Variants in CNR2 observed in about 807,000 individuals in gnomAD.
CNR2 encodes cannabinoid receptor 2.
For synonymous variants in CNR2, 172 were observed against 182.2 expected (o/e 0.94, Z 0.45); for missense variants, 379 against 439.9 (o/e 0.86, Z 1.24).
At chr1:23,896,616 T>G (rs1640289664) in intron 1 of CNR2, among the ~76,000 whole-genome samples, 1 of 151,482 alleles carries the variant, frequency 6.6e-6, no homozygotes, top group Non-Finnish European at 1.5e-5. Context: ...GTAGGAGGAG[T>G]GTCAAAGAGG....
At chr1:23,880,887 A>G (rs1199547561) in intron 1 of CNR2, among the ~76,000 whole-genome samples, 1 of 149,374 alleles carries the variant, frequency 6.7e-6, no homozygotes, top group East Asian at 1.9e-4. Flanking sequence ...AAATTAACAT[A>G]TTACATATAA....
intron 1 of CNR2, among the ~76,000 whole-genome samples, chr1:23,888,378 A>G (rs2501388): frequency 0.85 from 128,669 of 152,056 alleles, 54,540 homozygotes; most frequent in Admixed American, 0.86. Context: ...AACAATACCT[A>G]TGCCATTCTC....
At chr1:23,878,116 A>G (rs1027448470) in intron 1 of CNR2, among the ~76,000 whole-genome samples, 2 of 152,298 alleles carry the variant, frequency 1.3e-5, no homozygotes, top group East Asian at 1.9e-4. Context: ...ATAAACAGAG[A>G]AAACTGGTGG....
At chr1:23,908,105 T>G (rs1165963115) in intron 1 of CNR2, among the ~76,000 whole-genome samples, 2 of 144,898 alleles carry the variant, frequency 1.4e-5, no homozygotes, top group African/African-American at 5.1e-5. Context: ...CTCAGCCTCC[T>G]GAGTAGCTGG....
chr1:23,885,443 T>C (rs1640070184), intron 1 of CNR2, among the ~76,000 whole-genome samples: 1 of 152,118 alleles, frequency 6.6e-6, no homozygotes, highest in East Asian at 1.9e-4. Flanking sequence ...TCATTTCTCA[T>C]CTGTAAAATG....
intron 1 of CNR2, among the ~76,000 whole-genome samples, chr1:23,910,654 CAAAAAA>C (rs34083515): frequency 4.3e-4 from 14 of 32,194 alleles, no homozygotes; most frequent in African/African-American, 5.1e-4. Context: ...AACGCTGTCT[CAAAAAA>C]AAAAAAAAAA....
chr1:23,907,951 G>A (rs1001224420), intron 1 of CNR2: 4 of 146,156 alleles, frequency 2.7e-5, no homozygotes, highest in African/African-American at 7.6e-5. Context: ...TGAGTCATGA[G>A]CTAGTTTGTT....
intron 1 of CNR2, among the ~76,000 whole-genome samples, chr1:23,911,352 T>C (rs1039546623): frequency 6.6e-6 from 1 of 152,012 alleles, no homozygotes; most frequent in African/African-American, 2.4e-5. Context: ...TTTCAGGTCT[T>C]ACAAAGAATC....
chr1:23,877,639 C>G lies in CNR2; in HGVS notation c.-45-1977G>C, dbSNP rs527810819. Among the ~76,000 whole-genome samples, 128 of 150,162 alleles carry G rather than the reference C, an allele frequency of 8.5e-4. No homozygotes were observed. In the Middle Eastern group the frequency reaches 0.017, roughly 20 times the overall value. ...CCTGGGCAACAGAGCAAGACTCCATCTCAAAAAAAATAAAAAGAAAAAAAA... is the reference window on the plus strand; with the variant it reads ...CCTGGGCAACAGAGCAAGACTCCATGTCAAAAAAAATAAAAAGAAAAAAAA... On this transcript the variant is annotated intron_variant, in intron 1 of 1. Coordinates refer to ENST00000374472, the MANE Select transcript of CNR2 (RefSeq NM_001841.3).
At chr1:23,882,222 C>T (rs1640000817) in intron 1 of CNR2, among the ~76,000 whole-genome samples, 1 of 152,016 alleles carries the variant, frequency 6.6e-6, no homozygotes, top group South Asian at 2.1e-4. Context: ...CGTGCCTGGC[C>T]TCAGGTATGG....
intron 1 of CNR2, among the ~76,000 whole-genome samples, chr1:23,890,876 TTCTTC>T (rs1391349608): frequency 0.052 from 2,150 of 41,146 alleles, 64 homozygotes; most frequent in African/African-American, 0.14. Context: ...TCTGGTCTTC[TTCTTC>T]TTTTTTTTTT....
At position 23,898,635 on chromosome 1, in the gene CNR2, T is replaced by C. The variant is rs553504738; in HGVS notation, c.-46+14611A>G. Among the ~76,000 whole-genome samples, 171 of 120,638 alleles carry C rather than the reference T, an allele frequency of 1.4e-3. 2 individuals carry two copies. The highest frequency in any genetic ancestry group is 4.7e-3 in the African/African-American group (150 of 31,634). The allele number at this position is 120,638 out of a possible 152,430, so 79.1% of individuals were successfully genotyped here. A position where few individuals can be genotyped will look rare whatever the true frequency, so the allele number is the denominator to read the frequency against. ...GGATTCAGGCTTGAGCCACCACGCCTGGCCAATTTTTTTTTTTTTTTTTTT... is the reference window on the plus strand; with the variant it reads ...GGATTCAGGCTTGAGCCACCACGCCCGGCCAATTTTTTTTTTTTTTTTTTT... On this transcript the variant is annotated intron_variant, in intron 1 of 1. Coordinates refer to ENST00000374472, the MANE Select transcript of CNR2 (RefSeq NM_001841.3).
chr1:23,886,884 T>A lies in CNR2; in HGVS notation c.-45-11222A>T, dbSNP rs191214968. On this transcript the variant is annotated intron_variant, in intron 1 of 1. Transcript: ENST00000374472. ...AGAGAAGTTGGAGACAGACACCCTT[T>A]GCGGTTTTTTTGTTTTTTTTGTTTT... Among the ~76,000 whole-genome samples the A allele has an allele frequency of 2.0e-3, 244 of 119,140 alleles. 5 individuals are homozygous for A. In the Admixed American group the frequency reaches 0.022, roughly 11 times the overall value. 78.2% of individuals were successfully genotyped at this position (119,140 alleles called of 152,430 possible).
intron 1 of CNR2, among the ~76,000 whole-genome samples, chr1:23,892,664 C>T (rs1425164475): frequency 6.6e-6 from 1 of 152,112 alleles, no homozygotes; most frequent in African/African-American, 2.4e-5. Context: ...GTTTCTAATG[C>T]CTTGCTTTTA....
chr1:23,901,708 C>T lies in CNR2; in HGVS notation c.-46+11538G>A. 1.1e-5 allele frequency: 15 copies of T among 1,417,992 alleles called. 1 individual carries two copies. The highest frequency in any genetic ancestry group is 6.9e-5 in the South Asian group (6 of 86,800). The allele number at this position is 1,417,992 out of a possible 1,614,324, so 87.8% of individuals were successfully genotyped here. On this transcript the variant is annotated intron_variant, in intron 1 of 1. Coordinates refer to ENST00000374472, the MANE Select transcript of CNR2 (RefSeq NM_001841.3). ...CCGGGAAGGTGTTACTGGATCTGTC[C>T]GACATGAATTTGGTCAGATTCTGAG...
In CNR2 at chr1:23,901,595, C is replaced by T; in HGVS notation, c.-46+11651G>A. The T allele has an allele frequency of 1.9e-6, 3 of 1,610,696 alleles. No homozygotes were observed. The South Asian group carries it at 3.3e-5, about 18-fold the overall frequency. ...CTGCACTTGCGTCATCCCCTCCTGC[C>T]CAAAGTAGCTGAGGTTGCTGCCGTC... On this transcript the variant is annotated intron_variant, in intron 1 of 1. Transcript: ENST00000374472.
At chr1:23,911,398 G>A (rs1640581696) in intron 1 of CNR2, among the ~76,000 whole-genome samples, 1 of 152,232 alleles carries the variant, frequency 6.6e-6, no homozygotes, top group Middle Eastern at 3.4e-3. Context: ...GGGCAAGGCT[G>A]GACTTCAGAC....
chr1:23,897,314 C>T (rs1447058783), intron 1 of CNR2, among the ~76,000 whole-genome samples: 1 of 152,074 alleles, frequency 6.6e-6, no homozygotes, highest in Non-Finnish European at 1.5e-5. Context: ...AAGCCTGGGG[C>T]AGAAGTTCTC....
In CNR2 at chr1:23,897,786, T is replaced by C. The variant is rs796075920; in HGVS notation, c.-46+15460A>G. On this transcript the variant is annotated intron_variant, in intron 1 of 1. Transcript: ENST00000374472. Reference sequence around the variant, plus strand: ...GAAGTAACATATTTTTAAATGAAAATAACTTTTTGTGGCAAATCTCTTTAA... The same window carrying C: ...GAAGTAACATATTTTTAAATGAAAACAACTTTTTGTGGCAAATCTCTTTAA... Among the ~76,000 whole-genome samples, 47 of 152,130 alleles carry C rather than the reference T, an allele frequency of 3.1e-4. 1 individual carries two copies. Among genetic ancestry groups the C allele is most frequent in the African/African-American group, 1.1e-3 (45 of 41,494 alleles).
Sources: allele counts gnomAD v4.1 joint callset (sites outside exome capture counted in the v4.1 genomes callset), GRCh38; gene constraint gnomAD v4.1.1; transcripts MANE v1.5; gene names NCBI Gene and HGNC (gene_info 2026-07-23, HGNC 2026-07-21).